Variants in ICE1 observed in about 807,000 individuals in gnomAD.
The protein encoded by ICE1 is little elongation complex subunit 1.
A neutral mutation model predicts 192.7 loss-of-function variants in ICE1; 64 were observed. The observed-to-expected ratio is 0.33, with a 90% CI of 0.27 to 0.41. The LOEUF is 0.41. ICE1 is among the 10% of genes least tolerant of loss of function. ICE1 has a pLI of 1.00. For synonymous variants in ICE1, 1,010 were observed against 984.5 expected, an observed-to-expected ratio of 1.03 and a Z score of -0.49; for missense variants, 2,708 against 2,696.0, an observed-to-expected ratio of 1.00 and a Z score of -0.10.
At chr5:5,470,031 C>G (rs1222117001) in intron 15 of ICE1, among the ~76,000 whole-genome samples, 1 of 152,088 alleles carries the variant, frequency 6.6e-6, no homozygotes. Context: ...GGGTTACTGC[C>G]TTCCGAGGGT....
intron 7 of ICE1, among the ~76,000 whole-genome samples, chr5:5,445,779 C>T (rs1341692936): frequency 7.9e-5 from 12 of 151,620 alleles, no homozygotes; most frequent in African/African-American, 2.2e-4. Flanking sequence ...GTCGCCTAGA[C>T]TGGAGTGCAG....
chr5:5,435,416 G>T (rs1436494524), intron 1 of ICE1, among the ~76,000 whole-genome samples: 2 of 152,138 alleles, frequency 1.3e-5, no homozygotes, highest in East Asian at 3.9e-4. Context: ...ATTGAACATA[G>T]TTTGGATAAT....
chr5:5,452,231 G>C (rs1293504456), intron 10 of ICE1, among the ~76,000 whole-genome samples: 1 of 146,646 alleles, frequency 6.8e-6, no homozygotes, highest in Non-Finnish European at 1.5e-5. Context: ...CAGAAGAGTA[G>C]GATCTGTGAA....
At chr5:5,479,942 G>T (rs1006443007) in intron 17 of ICE1, among the ~76,000 whole-genome samples, 2 of 152,122 alleles carry the variant, frequency 1.3e-5, no homozygotes, top group East Asian at 3.9e-4. Flanking sequence ...GTCGGGGCAT[G>T]GGGGGTAAGG....
Position 5,468,834 on chromosome 5 carries a change from C to T in ICE1, c.6068C>T (p.Pro2023Leu). The T allele has an allele frequency of 1.9e-6, 3 of 1,566,390 alleles. No homozygotes were observed. Among genetic ancestry groups the T allele is most frequent in the Non-Finnish European group, 2.6e-6 (3 of 1,154,904 alleles). The change falls in exon 15 of 19, where the codon CCG becomes CTG. Residue 2023 changes from proline (P) to leucine (L), a missense_variant. Physicochemically the swap from Pro to Leu is moderately conservative, Grantham distance 98 (BLOSUM62 -3). Coordinates refer to ENST00000296564, the MANE Select transcript of ICE1 (RefSeq NM_015325.3). ...FCYSLLKEDF[P>L]ESEKLTLFIA... is the part of the protein sequence containing the mutation. ...ATTATTTTATTTCTGATAGATTTTC[C>T]GGAGTCTGAAAAATTAACTTTGTTT...
chr5:5,458,180 C>T (rs751762910), intron 12 of ICE1, among the ~76,000 whole-genome samples: 44 of 152,090 alleles, frequency 2.9e-4, no homozygotes, highest in Non-Finnish European at 6.0e-4. Flanking sequence ...TGTGTGTTTG[C>T]GGAATGGTTT....
chr5:5,483,609 C>G (rs16875617), intron 17 of ICE1, among the ~76,000 whole-genome samples: 6,091 of 152,296 alleles, frequency 0.04, 367 homozygotes, highest in East Asian at 0.29. Flanking sequence ...TTAAGCCCTT[C>G]TCTGAGGCCA....
intron 17 of ICE1, among the ~76,000 whole-genome samples, chr5:5,476,792 C>T (rs567880149): frequency 9.9e-5 from 15 of 152,238 alleles, no homozygotes; most frequent in African/African-American, 3.6e-4. Flanking sequence ...TACAATTCAA[C>T]GTGAGATTTG....
rs1738939048 is a variant in ICE1 at position 5,464,959 on chromosome 5, C to G, written c.5625C>G (p.Leu1875=). 2 of 1,613,662 alleles carry G rather than the reference C, an allele frequency of 1.2e-6. No individual in the cohort carries two copies. Among genetic ancestry groups the G allele is most frequent in the Non-Finnish European group, 1.7e-6 (2 of 1,179,744 alleles). Residue 1875 remains leucine, a synonymous_variant, in exon 13 of 19, where the codon CTC becomes CTG. Transcript: ENST00000296564. This position sits in a 1 kb window ranked among gnomAD's most constrained non-coding sequence, Gnocchi z 4.0. ...EGIHKNLPGN[L]PPAEVATTNE... ...TCCACAAAAACCTCCCAGGGAACCT[C>G]CCTCCAGCTGAAGTTGCAACAACAA... is the stretch of plus-strand genomic sequence containing the variant.
At chr5:5,441,075 A>T in intron 4 of ICE1, 37 bp from the exon 5 acceptor site, 1 of 1,248,470 alleles carries the variant, frequency 8.0e-7, no homozygotes, top group Non-Finnish European at 1.1e-6. Context: ...TTCGTTATAG[A>T]TCCTTTTCTG....
At chr5:5,478,984 C>T (rs994271160) in intron 17 of ICE1, among the ~76,000 whole-genome samples, 1 of 152,126 alleles carries the variant, frequency 6.6e-6, no homozygotes, top group East Asian at 1.9e-4. Context: ...AAACCCAAAA[C>T]CATAAAAACC....
intron 1 of ICE1, among the ~76,000 whole-genome samples, chr5:5,423,608 A>G (rs751373233): frequency 7.2e-5 from 11 of 152,232 alleles, no homozygotes; most frequent in South Asian, 6.2e-4. Context: ...GGAGGTTTCT[A>G]ACAGCGGCGT....
At chr5:5,449,450 A>G (rs1201106706) in intron 10 of ICE1, among the ~76,000 whole-genome samples, 1 of 150,670 alleles carries the variant, frequency 6.6e-6, no homozygotes, top group Non-Finnish European at 1.5e-5. Flanking sequence ...TCCAACAAAA[A>G]TTTTCGACCG....
At chr5:5,487,753 G>A (rs1428814291) in intron 18 of ICE1, among the ~76,000 whole-genome samples, 1 of 152,220 alleles carries the variant, frequency 6.6e-6, no homozygotes, top group African/African-American at 2.4e-5. Flanking sequence ...TACAGTGGGT[G>A]TAACCTAGAA....
rs191184257 is a variant in ICE1 at position 5,445,398 on chromosome 5, A to T, written c.424+1072A>T. Among the ~76,000 whole-genome samples, 384 of 152,214 alleles carry T rather than the reference A, an allele frequency of 2.5e-3. 2 individuals are homozygous for T. Among genetic ancestry groups the T allele is most frequent in the Middle Eastern group, 6.8e-3 (2 of 294 alleles). ...TAAGTGTCTATTGTATTTAAACAAA[A>T]TTTTTTTAATTTTTAAACTTTTTAA... On this transcript the variant is annotated intron_variant, in intron 7 of 18. Transcript: ENST00000296564.
rs915685046 is a variant in ICE1, at chr5:5,443,218, G to C, written c.360G>C (p.Lys120Asn). 1.3e-6 allele frequency: 2 copies of C among 1,513,788 alleles called. No individual in the cohort carries two copies. Among genetic ancestry groups the C allele is most frequent in the African/African-American group, 2.8e-5 (2 of 70,958 alleles). 93.8% of individuals were successfully genotyped at this position (1,513,788 alleles called of 1,614,324 possible). Reference sequence around the variant, plus strand: ...CTCATCAGGAATATGCTCGTGTAAAGGAAGAATGCTTGAAGAGTGATGCTC... The same window carrying C: ...CTCATCAGGAATATGCTCGTGTAAACGAAGAATGCTTGAAGAGTGATGCTC... ...QDTHQEYARV[K>N]EECLKSDAQK... is the part of the protein sequence containing the mutation. The change falls in exon 6 of 19, where the codon AAG becomes AAC. Residue 120 changes from lysine (K) to asparagine (N), a missense_variant. Lys to Asn is a moderately conservative substitution (Grantham distance 94). This residue lies in a region of ICE1 where 2,366 missense variants were observed against 2,276.6 expected (regional missense o/e 1.04). Coordinates refer to ENST00000296564, the MANE Select transcript of ICE1 (RefSeq NM_015325.3).
At chr5:5,477,718 G>A (rs1031976612) in intron 17 of ICE1, among the ~76,000 whole-genome samples, 1 of 152,116 alleles carries the variant, frequency 6.6e-6, no homozygotes, top group African/African-American at 2.4e-5. Flanking sequence ...AGTGAACATC[G>A]ATGCGAAAAT....
At chr5:5,436,382 T>G (rs1737872957) in intron 1 of ICE1, 36 bp from the exon 2 acceptor site, 1 of 1,278,138 alleles carries the variant, frequency 7.8e-7, no homozygotes, top group Non-Finnish European at 1.1e-6. Context: ...TTAAAGTAAT[T>G]GATAAAAAAG....
chr5:5,474,846 A>T (rs1170991174), intron 16 of ICE1, among the ~76,000 whole-genome samples: 1 of 152,232 alleles, frequency 6.6e-6, no homozygotes, highest in Non-Finnish European at 1.5e-5. Context: ...CTTGTTCATC[A>T]TCTTGACACT....
Sources: allele counts gnomAD v4.1 joint callset (sites outside exome capture counted in the v4.1 genomes callset), GRCh38; gene constraint gnomAD v4.1.1; regional missense constraint gnomAD v4.1.1; non-coding constraint Gnocchi (gnomAD v3.1); transcripts MANE v1.5; gene names NCBI Gene and HGNC (gene_info 2026-07-23, HGNC 2026-07-21).